HSD17B14: variants seen among roughly 807,000 people sequenced by gnomAD.
HSD17B14 encodes the protein L-fucose dehydrogenase.
Under a neutral mutation model 32.2 loss-of-function variants are expected in HSD17B14, and 32 were observed. The observed-to-expected ratio is 0.99, with a 90% confidence interval of 0.75 to 1.33. The LOEUF is 1.33. HSD17B14 is among the 40% of genes most tolerant of loss of function. HSD17B14 has a pLI of 0.00. For synonymous variants in HSD17B14, 140 were observed against 155.4 expected (o/e 0.90, Z 0.74); for missense variants, 370 against 366.5 (o/e 1.01, Z -0.08).
rs1012033566 is a variant in HSD17B14, at chr19:48,835,744, T to A, written c.127+61A>T. The A allele has an allele frequency of 4.5e-6, 7 of 1,546,156 alleles. No individual in the cohort carries two copies. The African/African-American group carries it at 9.7e-5, about 21-fold the overall frequency. On this transcript the variant is annotated intron_variant, in intron 2 of 8. Coordinates refer to ENST00000263278, the MANE Select transcript of HSD17B14 (RefSeq NM_016246.3). ...GGTCTGAGGGAGGAGGTGCTAGGGG[T>A]CTGGACCTCTGGGTCTGAGGGAGGA... is the stretch of plus-strand genomic sequence containing the variant.
At chr19:48,835,958 A>C in intron 1 of HSD17B14, 115 bp from the exon 2 acceptor site, 1 of 886,102 alleles carries the variant, frequency 1.1e-6, no homozygotes, top group Non-Finnish European at 1.8e-6. Context: ...CCCCAGTCTC[A>C]TGATCACCCA....
chr19:48,834,457 C>G, intron 2 of HSD17B14, 99 bp from the exon 3 acceptor site: 1 of 578,910 alleles, frequency 1.7e-6, no homozygotes, highest in South Asian at 2.1e-5. Context: ...GTGCTGGGGG[C>G]CTGGACTCCT....
chr19:48,832,756 T>C (rs1568524688), intron 3 of HSD17B14, 24 bp from the exon 4 acceptor site: 9 of 1,581,212 alleles, frequency 5.7e-6, no homozygotes, highest in Non-Finnish European at 7.7e-6. Flanking sequence ...AAATGTCCTT[T>C]GTTTTTTTTT....
At chr19:48,826,624 G>A (rs2122778198) in intron 5 of HSD17B14, among the ~76,000 whole-genome samples, 1 of 148,172 alleles carries the variant, frequency 6.7e-6, no homozygotes, top group East Asian at 2.0e-4. Flanking sequence ...TATGTGTGGA[G>A]GTGTTTTTAG....
chr19:48,816,935 A>G (rs1214920538), intron 5 of HSD17B14, among the ~76,000 whole-genome samples: 3 of 151,176 alleles, frequency 2.0e-5, no homozygotes, highest in Non-Finnish European at 2.9e-5. Context: ...TCCCAGGTTC[A>G]AGCAATTCTC....
At position 48,835,841 on chromosome 19, in the gene HSD17B14, T is replaced by C. The variant is rs8110220; in HGVS notation, c.91A>G (p.Asn31Asp). 418,687 of 1,612,064 alleles carry C rather than the reference T, an allele frequency of 0.26. 59,381 individuals are homozygous for C. Among genetic ancestry groups the C allele is most frequent in the African/African-American group, 0.55 (41,062 of 74,784 alleles). Residue 31 changes from asparagine (N) to aspartate (D), a missense_variant and splice_region_variant, in exon 2 of 9, where the codon AAC becomes GAC. Transcript: ENST00000263278. The part of the protein sequence containing the change: ...IGAGIVRAFV[N>D]SGARVVICDK... ...CAGATAACCACTCGGGCCCCGCTGT[T>C]CACTGAGAATAGGAAGGGAACAGGT...
intron 5 of HSD17B14, among the ~76,000 whole-genome samples, chr19:48,825,490 G>T (rs1031165005): frequency 2.0e-5 from 3 of 151,764 alleles, no homozygotes; most frequent in Non-Finnish European, 2.9e-5. Context: ...TTTATTTTTG[G>T]TTGAGATGGG....
In HSD17B14 at chr19:48,815,113, T is replaced by A. The variant is rs759492581; in HGVS notation, c.398A>T (p.Gln133Leu). 1.2e-6 allele frequency: 2 copies of A among 1,613,916 alleles called. No homozygotes were observed. The highest frequency in any genetic ancestry group is 1.7e-6 in the Non-Finnish European group (2 of 1,179,914). The change falls in exon 6 of 9, where the codon CAA (glutamine) becomes CTA (leucine). Residue 133 changes from glutamine to leucine, a missense_variant. Transcript: ENST00000263278. ...GCTGGAGATGTTGATGACATTCCCT[T>A]GACTCTTCCGCAGGTAGGGGAGGGC... ...KLALPYLRKS[Q>L]GNVINISSLV... is the part of the protein sequence containing the mutation.
intron 5 of HSD17B14, among the ~76,000 whole-genome samples, chr19:48,828,487 G>A (rs1599839827): frequency 6.6e-6 from 1 of 152,062 alleles, no homozygotes; most frequent in Non-Finnish European, 1.5e-5. Context: ...TCATAGTGGT[G>A]CACCCCTGTG....
chr19:48,815,595 C>T (rs1441849958), intron 5 of HSD17B14, among the ~76,000 whole-genome samples: 1 of 152,038 alleles, frequency 6.6e-6, no homozygotes, highest in Non-Finnish European at 1.5e-5. Context: ...ACTGCAGCCT[C>T]GAACTCCTGG....
rs922856650 is a variant in HSD17B14, at chr19:48,826,258, C to T, written c.369+5410G>A. ...CTGTAATCCGAGCACTTTGGGTGGC[C>T]GAGGCAGGCAGACCGCTATAGCTCA... On this transcript the variant is annotated intron_variant, in intron 5 of 8. Transcript: ENST00000263278. Among the ~76,000 whole-genome samples the T allele has an allele frequency of 4.6e-5, 7 of 151,254 alleles. 1 individual carries two copies. The highest frequency in any genetic ancestry group is 2.0e-4 in the East Asian group (1 of 5,072).
At chr19:48,813,426 C>G (rs751878039) in intron 8 of HSD17B14, 30 bp downstream of exon 8, 108 of 1,579,292 alleles carry the variant, frequency 6.8e-5, no homozygotes, top group Non-Finnish European at 8.4e-5. Context: ...ATGCCACCTT[C>G]TACCACCTGG....
intron 3 of HSD17B14, among the ~76,000 whole-genome samples, chr19:48,833,164 G>A (rs1458923449): frequency 2.0e-5 from 3 of 151,440 alleles, no homozygotes; most frequent in Non-Finnish European, 2.9e-5. Context: ...ACAAGAGCTA[G>A]AGGAAGAGGG....
At position 48,813,193 on chromosome 19, in the gene HSD17B14, G is replaced by C; in HGVS notation, c.795C>G (p.Ala265=). The change falls in exon 9 of 9, where the codon GCC becomes GCG. Residue 265 remains alanine, a synonymous_variant. Transcript: ENST00000263278. The part of the protein sequence containing the change: ...CKASRSTPVD[A]PDIPS The stretch of plus-strand genomic sequence containing the variant: ...AGAGAAATCAGGAAGGGATATCGGG[G>C]GCGTCCACGGGGGTGCTCCGACTGG... 6.3e-7 allele frequency: 1 copy of C among 1,598,268 alleles called. No individual in the cohort carries two copies. Among genetic ancestry groups the C allele is most frequent in the Non-Finnish European group, 8.5e-7 (1 of 1,172,098 alleles).
At position 48,815,212 on chromosome 19, in the gene HSD17B14, G is replaced by A; in HGVS notation, c.370-71C>T. On this transcript the variant is annotated intron_variant, in intron 5 of 8. Coordinates refer to ENST00000263278, the MANE Select transcript of HSD17B14 (RefSeq NM_016246.3). Reference sequence around the variant, plus strand: ...CGCAGACCACTGAAACACAGCCACAGCCATCCTGATGTCTGGGATGACGGC... The same window carrying A: ...CGCAGACCACTGAAACACAGCCACAACCATCCTGATGTCTGGGATGACGGC... The A allele has an allele frequency of 2.6e-6, 3 of 1,171,536 alleles. No homozygotes were observed. In the South Asian group the frequency reaches 3.7e-5, roughly 14 times the overall value. The allele number at this position is 1,171,536 out of a possible 1,614,324, so 72.6% of individuals were successfully genotyped here.
rs776466547 is a variant in HSD17B14, at chr19:48,816,823, C to CTTTCTTTCTTTCTTTCT, written c.370-1683_370-1682insAGAAAGAAAGAAAGAAA. ...TCTTTCTTTCTTTCTTTCTTTCTTT[C>CTTTCTTTCTTTCTTTCT]TTTTCTTTCTCTCTCTCTCTCTCTT... is the stretch of plus-strand genomic sequence containing the variant. On this transcript the variant is annotated intron_variant, in intron 5 of 8. Coordinates refer to ENST00000263278, the MANE Select transcript of HSD17B14 (RefSeq NM_016246.3). 6.8e-3 allele frequency among the ~76,000 whole-genome samples: 344 copies of CTTTCTTTCTTTCTTTCT among 50,732 alleles called. 3 individuals carry two copies. The highest frequency in any genetic ancestry group is 0.026 in the African/African-American group (319 of 12,314). The allele number at this position is 50,732 out of a possible 152,430, so 33.3% of individuals were successfully genotyped here.
At chr19:48,832,606 T>G (rs1284464390) in intron 4 of HSD17B14, 60 bp downstream of exon 4, 9 of 1,437,298 alleles carry the variant, frequency 6.3e-6, no homozygotes, top group Non-Finnish European at 8.8e-6. Flanking sequence ...GAAACTGACG[T>G]GCAGGAAACA....
chr19:48,835,842 C>T lies in HSD17B14; in HGVS notation c.90G>A (p.Val30=). ...GIGAGIVRAF[V]NSGARVVICD... The stretch of plus-strand genomic sequence containing the variant: ...AGATAACCACTCGGGCCCCGCTGTT[C>T]ACTGAGAATAGGAAGGGAACAGGTT... Residue 30 remains valine, a splice_region_variant and synonymous_variant, in exon 2 of 9, where the codon GTG becomes GTA. Coordinates refer to ENST00000263278, the MANE Select transcript of HSD17B14 (RefSeq NM_016246.3). 1 of 1,613,564 alleles carries T rather than the reference C, an allele frequency of 6.2e-7. No individual in the cohort carries two copies. Among genetic ancestry groups the T allele is most frequent in the Non-Finnish European group, 8.5e-7 (1 of 1,179,706 alleles).
At chr19:48,835,710 G>A (rs911860970) in intron 2 of HSD17B14, 95 bp downstream of exon 2, 1 of 1,283,052 alleles carries the variant, frequency 7.8e-7, no homozygotes, top group African/African-American at 1.5e-5. Flanking sequence ...CTGGGGGCCT[G>A]GACTCCGGGG....
Sources: allele counts gnomAD v4.1 joint callset (sites outside exome capture counted in the v4.1 genomes callset), GRCh38; gene constraint gnomAD v4.1.1; transcripts MANE v1.5; gene names NCBI Gene and HGNC (gene_info 2026-07-23, HGNC 2026-07-21).